DNMBP: variants seen among roughly 807,000 people sequenced by gnomAD.
The protein encoded by DNMBP is dynamin-binding protein.
Under a neutral mutation model 150.0 loss-of-function variants are expected in DNMBP, and 87 were observed. The observed-to-expected ratio is 0.58, with a 90% CI of 0.49 to 0.69. The LOEUF is 0.69. Ranked by LOEUF, DNMBP falls within the 30% of genes least tolerant of loss-of-function variation. The probability of loss-of-function intolerance (pLI) is 0.00; values close to 1 mark genes in which losing one functional copy is unlikely to be tolerated. For missense variants in DNMBP, 1,774 were observed against 1,949.0 expected (o/e 0.91, Z 1.69); for synonymous variants, 711 against 750.4 (o/e 0.95, Z 0.86).
rs950442097 is a variant in DNMBP, at chr10:99,971,997, T to C, written c.128A>G (p.Lys43Arg). The C allele has an allele frequency of 6.2e-6, 10 of 1,613,752 alleles. No individual in the cohort carries two copies. Among genetic ancestry groups the C allele is most frequent in the East Asian group, 2.2e-5 (1 of 44,820 alleles). ...AVVDEFWLLGKKEDVTGQFPS... is the reference protein window; with the variant it reads ...AVVDEFWLLGRKEDVTGQFPS... ...TTACTTACCTGTAACATCCTCCTTC[T>C]TTCCTAGAAGCCAAAATTCATCCAC... is the stretch of plus-strand genomic sequence containing the variant. Residue 43 changes from lysine to arginine, a missense_variant, in exon 2 of 17, where the codon AAG becomes AGG. Around this residue, in one of 2 missense-constraint regions of DNMBP, gnomAD observed 344 missense variants for 456.6 expected, o/e 0.75. Coordinates refer to ENST00000324109, the MANE Select transcript of DNMBP (RefSeq NM_015221.4).
chr10:100,006,288 G>A (rs2133395770), intron 1 of DNMBP, among the ~76,000 whole-genome samples: 1 of 152,282 alleles, frequency 6.6e-6, no homozygotes, highest in South Asian at 2.1e-4. Flanking sequence ...AAGTTTTCAG[G>A]TCATCTGAAG....
At chr10:99,977,002 A>AC (rs1213542876) in intron 1 of DNMBP, among the ~76,000 whole-genome samples, 2 of 152,150 alleles carry the variant, frequency 1.3e-5, no homozygotes, top group African/African-American at 4.8e-5. Flanking sequence ...TTAGAGAACT[A>AC]CCCCATTACA....
chr10:99,924,444 AAAATAACAAAAAC>A (rs1174855241), intron 4 of DNMBP, among the ~76,000 whole-genome samples: 3 of 152,236 alleles, frequency 2.0e-5, no homozygotes, highest in South Asian at 4.1e-4. Context: ...CTCCGTCTCA[AAAATAACAAAAAC>A]AAAAAACAAA....
chr10:99,998,030 T>G (rs1460749703), intron 1 of DNMBP, among the ~76,000 whole-genome samples: 5 of 142,230 alleles, frequency 3.5e-5, no homozygotes, highest in Non-Finnish European at 7.5e-5. Flanking sequence ...GGTCAGGAGA[T>G]CAAGACCATC....
intron 4 of DNMBP, among the ~76,000 whole-genome samples, chr10:99,920,891 G>A (rs1319515339): frequency 6.6e-6 from 1 of 151,934 alleles, no homozygotes; most frequent in Non-Finnish European, 1.5e-5. Flanking sequence ...TGTTGCTCAG[G>A]CTGGGCTCCA....
At chr10:99,931,760 G>T (rs1264003042) in intron 4 of DNMBP, among the ~76,000 whole-genome samples, 1 of 152,208 alleles carries the variant, frequency 6.6e-6, no homozygotes, top group Non-Finnish European at 1.5e-5. Context: ...ATTAGTCCCT[G>T]CCTCTTACAA....
chr10:99,992,649 C>T (rs932082022), intron 1 of DNMBP, among the ~76,000 whole-genome samples: 6 of 151,384 alleles, frequency 4.0e-5, no homozygotes, highest in Admixed American at 1.3e-4. Flanking sequence ...GCCTTAGCCT[C>T]CCGAGTAGCT....
intron 2 of DNMBP, among the ~76,000 whole-genome samples, chr10:99,970,258 G>A (rs1480025448): frequency 3.9e-5 from 6 of 152,198 alleles, no homozygotes; most frequent in African/African-American, 7.2e-5. Context: ...GAGTGTGCTC[G>A]AAGGACTCCA....
chr10:99,986,750 A>G (rs2040832264), intron 1 of DNMBP, among the ~76,000 whole-genome samples: 1 of 152,154 alleles, frequency 6.6e-6, no homozygotes, highest in South Asian at 2.1e-4. Flanking sequence ...GAGTATGAGC[A>G]ACAAAGTGAG....
Position 99,905,134 on chromosome 10 carries a change from G to A in DNMBP, c.2554+2861C>T, listed in dbSNP as rs2039806551. On this transcript the variant is annotated intron_variant, in intron 6 of 16. Transcript: ENST00000324109. ...AGTGCCTTAAAAAATCATATACACT[G>A]TCGTTTATGCTTCACCATCACACTA... 2.0e-5 allele frequency among the ~76,000 whole-genome samples: 3 copies of A among 152,262 alleles called. No individual in the cohort carries two copies. The South Asian group carries it at 6.2e-4, about 32-fold the overall frequency.
intron 4 of DNMBP, among the ~76,000 whole-genome samples, chr10:99,913,078 G>A (rs1048082582): frequency 2.0e-5 from 3 of 152,076 alleles, no homozygotes; most frequent in African/African-American, 4.8e-5. Flanking sequence ...GAAGACTGCT[G>A]GAGCCCAGGA....
At chr10:99,930,480 C>T (rs1427476746) in intron 4 of DNMBP, 3 of 702,872 alleles carry the variant, frequency 4.3e-6, no homozygotes, top group Non-Finnish European at 2.6e-6. Context: ...ATCATGACCT[C>T]CGTGGTACAC....
intron 11 of DNMBP, among the ~76,000 whole-genome samples, chr10:99,891,212 C>A (rs1269535803): frequency 6.8e-6 from 1 of 147,772 alleles, no homozygotes; most frequent in East Asian, 2.0e-4. Context: ...CCTCTCTTTC[C>A]ACGGTCTCCC....
intron 1 of DNMBP, among the ~76,000 whole-genome samples, chr10:99,984,117 C>CT (rs1183794216): frequency 6.6e-6 from 1 of 152,140 alleles, no homozygotes; most frequent in African/African-American, 2.4e-5. Context: ...ATTTTTAGCT[C>CT]TTTTTTTAAA....
In DNMBP at chr10:99,886,402, G is replaced by A. The variant is rs142855943; in HGVS notation, c.3516C>T (p.His1172=). 1.4e-5 allele frequency: 23 copies of A among 1,614,156 alleles called. No individual in the cohort carries two copies. The highest frequency in any genetic ancestry group is 1.2e-4 in the African/African-American group (9 of 75,054). ...AQLLDELPKF[H]QYAQGLFTNC... ...TGGTGAAGAGGCCCTGGGCGTACTG[G>A]TGGAACTTGGGCAGCTCATCCAGCA... Residue 1172 remains histidine (H), a synonymous_variant, in exon 13 of 17, where the codon CAC becomes CAT. Transcript: ENST00000324109.
chr10:99,907,894 T>C (rs1049349162), intron 6 of DNMBP, 101 bp downstream of exon 6: 5 of 792,558 alleles, frequency 6.3e-6, no homozygotes, highest in Non-Finnish European at 6.3e-6. Flanking sequence ...TACACCTGTA[T>C]CTTCCCGGAG....
In DNMBP at chr10:99,967,456, G is replaced by C. The variant is rs528478472; in HGVS notation, c.268+1659C>G. ...AAGGAGAATCGCTTGAACCTGGGAGGCGGAGGTTGCAGTGAGCCGAGATCA... is the reference window on the plus strand; with the variant it reads ...AAGGAGAATCGCTTGAACCTGGGAGCCGGAGGTTGCAGTGAGCCGAGATCA... On this transcript the variant is annotated intron_variant, in intron 3 of 16. Coordinates refer to ENST00000324109, the MANE Select transcript of DNMBP (RefSeq NM_015221.4). Among the ~76,000 whole-genome samples the C allele has an allele frequency of 4.1e-4, 63 of 152,204 alleles. 2 individuals are homozygous for C. Among genetic ancestry groups the C allele is most frequent in the African/African-American group, 1.5e-3 (63 of 41,502 alleles).
intron 6 of DNMBP, among the ~76,000 whole-genome samples, chr10:99,906,599 C>G (rs570785840): frequency 2.6e-5 from 4 of 152,306 alleles, no homozygotes; most frequent in East Asian, 3.9e-4. Context: ...GTCTCTCGCT[C>G]TCTCTCACAG....
At chr10:99,919,100 T>A (rs1204825621) in intron 4 of DNMBP, among the ~76,000 whole-genome samples, 1 of 152,204 alleles carries the variant, frequency 6.6e-6, no homozygotes, top group Non-Finnish European at 1.5e-5. Flanking sequence ...AAGGTAATAG[T>A]GCTCACGTTT....
Sources: gnomAD v4.1 joint callset for allele counts (sites outside exome capture counted in the v4.1 genomes callset) on GRCh38, gnomAD v4.1.1 for gene constraint, gnomAD v4.1.1 regional missense constraint, MANE v1.5 for transcripts, NCBI Gene and HGNC (gene_info 2026-07-23, HGNC 2026-07-21) for gene names.